Variants in RBM12 observed in about 807,000 individuals in gnomAD.
The protein encoded by RBM12 is RNA binding motif protein 12, also known as RNA-binding protein 12.
Under a neutral mutation model 37.2 loss-of-function variants are expected in RBM12, and 24 were observed. The observed-to-expected ratio is 0.65, with a 90% CI of 0.47 to 0.91. The LOEUF (loss-of-function observed/expected upper bound fraction) is 0.91, where lower values mean the gene tolerates loss of function less well. Among genes scored for constraint, RBM12 ranks in the 40% least tolerant of loss-of-function variants. The pLI is 0.00. For synonymous variants in RBM12, 420 were observed against 425.2 expected (o/e 0.99, Z 0.15); for missense variants, 1,061 against 1,183.2 (o/e 0.90, Z 1.52).
At position 35,654,211 on chromosome 20, in the gene RBM12, T is replaced by A. The variant is rs1044790513; in HGVS notation, c.1112A>T (p.Tyr371Phe). 1 of 1,614,256 alleles carries A rather than the reference T, an allele frequency of 6.2e-7. No individual in the cohort carries two copies. The highest frequency in any genetic ancestry group is 2.2e-5 in the East Asian group (1 of 44,890). ...KRNRMLMIQR[Y>F]VEVSPATERQ... The stretch of plus-strand genomic sequence containing the variant: ...TTCTGTGGCAGGGCTAACTTCCACA[T>A]AGCGTTGAATCATCAGCATTCTGTT... The change falls in exon 3 of 3, where the codon TAT (tyrosine) becomes TTT (phenylalanine). Residue 371 changes from tyrosine to phenylalanine, a missense_variant. Around this residue, in one of 3 missense-constraint regions of RBM12, gnomAD observed 540 missense variants for 632.7 expected, o/e 0.85. Coordinates refer to ENST00000374114, the MANE Select transcript of RBM12 (RefSeq NM_006047.6).
intron 1 of RBM12, among the ~76,000 whole-genome samples, chr20:35,660,326 C>G (rs2034163611): frequency 6.6e-6 from 1 of 152,152 alleles, no homozygotes; most frequent in Admixed American, 6.5e-5. Context: ...TATTCTCATG[C>G]CTCAGCCTCT....
intron 1 of RBM12, among the ~76,000 whole-genome samples, chr20:35,659,883 GGAGA>G (rs1361608299): frequency 6.6e-6 from 1 of 151,782 alleles, no homozygotes; most frequent in Non-Finnish European, 1.5e-5. Context: ...GTTTTAATTC[GGAGA>G]GAGAAGAAAT....
rs1568939252 is a variant in RBM12, at chr20:35,654,895, C to T, written c.428G>A (p.Ser143Asn). The change falls in exon 3 of 3, where the codon AGC (serine) becomes AAC (asparagine). Residue 143 changes from serine (S) to asparagine (N), a missense_variant. Around this residue, in one of 3 missense-constraint regions of RBM12, gnomAD observed 540 missense variants for 632.7 expected, o/e 0.85. Coordinates refer to ENST00000374114, the MANE Select transcript of RBM12 (RefSeq NM_006047.6). ...VVTATTSVHE[S>N]NKNIQTFSTA... ...GGAAAATGTCTGTATGTTTTTGTTG[C>T]TTTCATGAACAGAAGTGGTGGCAGT... 6.2e-7 allele frequency: 1 copy of T among 1,614,090 alleles called. No homozygotes were observed. Among genetic ancestry groups the T allele is most frequent in the East Asian group, 2.2e-5 (1 of 44,890 alleles).
Position 35,654,867 on chromosome 20 carries a change from T to C in RBM12, c.456A>G (p.Thr152=). Residue 152 remains threonine (T), a synonymous_variant, in exon 3 of 3, where the codon ACA becomes ACG. Coordinates refer to ENST00000374114, the MANE Select transcript of RBM12 (RefSeq NM_006047.6). ...ESNKNIQTFS[T]ASVGTAPPNM... is the part of the protein sequence containing the mutation. ...TTGGAGGAGCTGTTCCTACGCTGGCTGTGGAAAATGTCTGTATGTTTTTGT... is the reference window on the plus strand; with the variant it reads ...TTGGAGGAGCTGTTCCTACGCTGGCCGTGGAAAATGTCTGTATGTTTTTGT... 6.2e-7 allele frequency: 1 copy of C among 1,614,164 alleles called. No homozygotes were observed. The highest frequency in any genetic ancestry group is 8.5e-7 in the Non-Finnish European group (1 of 1,180,012).
chr20:35,656,988 A>C (rs1471225160), intron 2 of RBM12, among the ~76,000 whole-genome samples: 10 of 152,368 alleles, frequency 6.6e-5, no homozygotes, highest in African/African-American at 1.9e-4. Flanking sequence ...ATACTAATGC[A>C]ACAAAATCTG....
At position 35,656,974 on chromosome 20, in the gene RBM12, A is replaced by G. The variant is rs560444926; in HGVS notation, c.-22-1630T>C. Among the ~76,000 whole-genome samples the G allele has an allele frequency of 2.0e-5, 3 of 152,368 alleles. No homozygotes were observed. The South Asian group carries it at 6.2e-4, about 32-fold the overall frequency. On this transcript the variant is annotated intron_variant, in intron 2 of 2. Transcript: ENST00000374114. ...CTGTAACTTCATTGTCAAATATTAT[A>G]TAAATACTAATGCAACAAAATCTGT... is the stretch of plus-strand genomic sequence containing the variant.
intron 1 of RBM12, chr20:35,664,366 C>T (rs113902711): frequency 6.6e-6 from 1 of 152,282 alleles, no homozygotes; most frequent in Non-Finnish European, 1.5e-5. Flanking sequence ...CACCTCCAGG[C>T]ACAGAGATGT....
chr20:35,653,171 C>T lies in RBM12; in HGVS notation c.2152G>A (p.Gly718Arg). The change falls in exon 3 of 3, where the codon GGG becomes AGG. Residue 718 changes from glycine (G) to arginine (R), a missense_variant. Physicochemically the swap from Gly to Arg is moderately radical, Grantham distance 125. Coordinates refer to ENST00000374114, the MANE Select transcript of RBM12 (RefSeq NM_006047.6). ...LTVGSKEANN[G>R]PPFNFPGNFG... ...TTACCAGGAAAGTTAAATGGAGGCC[C>T]ATTATTGGCTTCCTTTGATCCTACA... 1.2e-6 allele frequency: 2 copies of T among 1,613,534 alleles called. No homozygotes were observed. The highest frequency in any genetic ancestry group is 1.7e-6 in the Non-Finnish European group (2 of 1,180,034).
At chr20:35,658,848 G>A in intron 2 of RBM12, 82 bp downstream of exon 2, 2 of 667,614 alleles carry the variant, frequency 3.0e-6, no homozygotes, top group Admixed American at 2.2e-5. Context: ...CAATATAGTT[G>A]CTACATATAT....
chr20:35,663,679 A>C (rs959047716), intron 1 of RBM12, among the ~76,000 whole-genome samples: 1 of 152,194 alleles, frequency 6.6e-6, no homozygotes, highest in Non-Finnish European at 1.5e-5. Context: ...TTAGCACTTA[A>C]TACTGAGTAA....
At chr20:35,663,596 G>A (rs575114538) in intron 1 of RBM12, among the ~76,000 whole-genome samples, 3 of 152,276 alleles carry the variant, frequency 2.0e-5, no homozygotes, top group Non-Finnish European at 2.9e-5. Context: ...CTGGAGCCAA[G>A]GAGGGTTTTA....
rs772736032 is a variant in RBM12 at position 35,655,187 on chromosome 20, C to T, written c.136G>A (p.Val46Ile). The T allele has an allele frequency of 4.3e-6, 7 of 1,614,140 alleles. No homozygotes were observed. The highest frequency in any genetic ancestry group is 2.2e-5 in the East Asian group (1 of 44,884). The stretch of plus-strand genomic sequence containing the variant: ...CTTGCATCTTCATCAGTGGCAAAAA[C>T]GATGAAAGCCTCACCCAGTTCACCC... ...VGGELGEAFI[V>I]FATDEDARLG... The change falls in exon 3 of 3, where the codon GTT becomes ATT. Residue 46 changes from valine (V) to isoleucine (I), a missense_variant. Physicochemically the swap from Val to Ile is conservative, Grantham distance 29. This residue lies in a region of RBM12 where 540 missense variants were observed against 632.7 expected (regional missense o/e 0.85). Coordinates refer to ENST00000374114, the MANE Select transcript of RBM12 (RefSeq NM_006047.6).
intron 2 of RBM12, among the ~76,000 whole-genome samples, chr20:35,658,075 A>C (rs2034009214): frequency 6.6e-6 from 1 of 150,400 alleles, no homozygotes; most frequent in African/African-American, 2.5e-5. Flanking sequence ...AAAACAAATA[A>C]AAATTTAAAA....
At position 35,652,385 on chromosome 20, in the gene RBM12, A is replaced by T; in HGVS notation, c.*139T>A. ...GTGAGTCTTCTGTAAACAGTCAACC[A>T]ATGCTCTATGTTATGGAAACCAAGC... On this transcript the variant is annotated 3_prime_UTR_variant, in exon 3 of 3. Coordinates refer to ENST00000374114, the MANE Select transcript of RBM12 (RefSeq NM_006047.6). 1 of 957,038 alleles carries T rather than the reference A, an allele frequency of 1.0e-6. No individual in the cohort carries two copies. Among genetic ancestry groups the T allele is most frequent in the Non-Finnish European group, 1.5e-6 (1 of 645,926 alleles). 59.3% of individuals were successfully genotyped at this position (957,038 alleles called of 1,614,324 possible).
intron 2 of RBM12, among the ~76,000 whole-genome samples, chr20:35,658,126 CTGTT>C (rs2034012611): frequency 1.3e-5 from 2 of 152,116 alleles, no homozygotes; most frequent in African/African-American, 4.8e-5. Flanking sequence ...TACTAAGTAA[CTGTT>C]TGACAGCTAA....
intron 1 of RBM12, among the ~76,000 whole-genome samples, 153 bp from the exon 2 acceptor site, chr20:35,659,167 T>C (rs976140117): frequency 1.3e-5 from 2 of 150,558 alleles, no homozygotes; most frequent in Non-Finnish European, 3.0e-5. Context: ...AAAGACACCG[T>C]AACAAAATCC....
Position 35,654,384 on chromosome 20 carries a change from A to C in RBM12, c.939T>G (p.Phe313Leu). Residue 313 changes from phenylalanine (F) to leucine (L), a missense_variant, in exon 3 of 3, where the codon TTT (phenylalanine) becomes TTG (leucine). Physicochemically the swap from Phe to Leu is conservative, Grantham distance 22. Around this residue, in one of 3 missense-constraint regions of RBM12, gnomAD observed 540 missense variants for 632.7 expected, o/e 0.85. Coordinates refer to ENST00000374114, the MANE Select transcript of RBM12 (RefSeq NM_006047.6). The part of the protein sequence containing the change: ...DLYVSVHGMP[F>L]SAMENDVRDF... ...CTCTGACATCATTTTCCATTGCAGAAAAGGGCATTCCATGCACACTGACAT... is the reference window on the plus strand; with the variant it reads ...CTCTGACATCATTTTCCATTGCAGACAAGGGCATTCCATGCACACTGACAT... The C allele has an allele frequency of 1.2e-6, 2 of 1,614,242 alleles. No homozygotes were observed. The highest frequency in any genetic ancestry group is 1.7e-6 in the Non-Finnish European group (2 of 1,180,036).
chr20:35,656,213 G>A (rs2033888629), intron 2 of RBM12, among the ~76,000 whole-genome samples: 1 of 152,052 alleles, frequency 6.6e-6, no homozygotes, highest in South Asian at 2.1e-4. Context: ...CCTAGGAGAG[G>A]GCTGACAATA....
intron 2 of RBM12, among the ~76,000 whole-genome samples, chr20:35,658,492 G>A (rs149517316): frequency 8.6e-4 from 131 of 152,238 alleles, no homozygotes; most frequent in African/African-American, 3.0e-3. Context: ...CCTGGGTGGC[G>A]GCTCATGCCT....
Sources: allele counts gnomAD v4.1 joint callset (sites outside exome capture counted in the v4.1 genomes callset), GRCh38; gene constraint gnomAD v4.1.1; regional missense constraint gnomAD v4.1.1; transcripts MANE v1.5; gene names NCBI Gene and HGNC (gene_info 2026-07-23, HGNC 2026-07-21).